The following BMPR1A variants were observed in gnomAD, a reference collection of about 807,000 sequenced individuals.
BMPR1A encodes the protein bone morphogenetic protein receptor type 1A, also known as bone morphogenetic protein receptor type-1A.
BMPR1A carries 7 observed loss-of-function variants against 66.0 expected under a neutral mutation model. That is an observed-to-expected ratio of 0.11 (90% CI 0.06 to 0.20). The LOEUF (loss-of-function observed/expected upper bound fraction) is 0.20, where lower values mean the gene tolerates loss of function less well. BMPR1A is among the 10% of genes least tolerant of loss of function. BMPR1A has a pLI of 1.00. For missense variants in BMPR1A, 408 were observed against 669.1 expected (o/e 0.61, Z 4.31); for synonymous variants, 200 against 229.7 (o/e 0.87, Z 1.17).
intron 7 of BMPR1A, among the ~76,000 whole-genome samples, chr10:86,909,454 T>C (rs545703050): frequency 1.2e-3 from 185 of 152,090 alleles, no homozygotes; most frequent in African/African-American, 4.1e-3. Flanking sequence ...TAGCCTGGTA[T>C]GGTGGTGTGT....
chr10:86,778,220 A>AT (rs35923518), intron 1 of BMPR1A, among the ~76,000 whole-genome samples: 12,329 of 150,466 alleles, frequency 0.082, 968 homozygotes, highest in African/African-American at 0.2. Flanking sequence ...AAAACATGAG[A>AT]TTTTTTTTGC....
chr10:86,770,361 A>G (rs1018343124), intron 1 of BMPR1A, among the ~76,000 whole-genome samples: 1 of 151,658 alleles, frequency 6.6e-6, no homozygotes, highest in African/African-American at 2.4e-5. Context: ...GCAGTGAGCT[A>G]TGATCTTATC....
chr10:86,912,124 A>C lies in BMPR1A; in HGVS notation c.531-116A>C. 2.7e-6 allele frequency: 3 copies of C among 1,115,500 alleles called. No individual in the cohort carries two copies. The South Asian group carries it at 4.2e-5, about 16-fold the overall frequency. The allele number at this position is 1,115,500 out of a possible 1,614,324, so 69.1% of individuals were successfully genotyped here. ...GGATATATTATCCAATGATAAGACT[A>C]ATTTGGATAGGATTCTTTCTGAGGG... is the stretch of plus-strand genomic sequence containing the variant. On this transcript the variant is annotated intron_variant, in intron 7 of 12. Transcript: ENST00000372037.
At chr10:86,808,905 C>T (rs1040770410) in intron 1 of BMPR1A, among the ~76,000 whole-genome samples, 1 of 152,168 alleles carries the variant, frequency 6.6e-6, no homozygotes, top group African/African-American at 2.4e-5. Flanking sequence ...TTCTCTGATT[C>T]ATCACAGGTT....
At chr10:86,892,070 G>C (rs115583244) in intron 4 of BMPR1A, 57 bp from the exon 5 acceptor site, 4 of 1,415,464 alleles carry the variant, frequency 2.8e-6, no homozygotes, top group Non-Finnish European at 3.0e-6. Flanking sequence ...CTCAAATTTC[G>C]TTAGTACTTT....
intron 1 of BMPR1A, among the ~76,000 whole-genome samples, chr10:86,812,722 A>T (rs1477769632): frequency 1.3e-5 from 2 of 152,084 alleles, no homozygotes; most frequent in Admixed American, 1.3e-4. Context: ...CCCCCAATCC[A>T]CATGTACATA....
Position 86,850,079 on chromosome 10 carries a change from G to T in BMPR1A, c.-153+11100G>T, listed in dbSNP as rs1178884096. 1.6e-4 allele frequency among the ~76,000 whole-genome samples: 24 copies of T among 152,122 alleles called. 1 individual carries two copies. ...CTCATGCCTGTAATCCCAGCACTTTGGAAGGCCGAGGTGGGTGGATCACTT... is the reference window on the plus strand; with the variant it reads ...CTCATGCCTGTAATCCCAGCACTTTTGAAGGCCGAGGTGGGTGGATCACTT... On this transcript the variant is annotated intron_variant, in intron 2 of 12. Coordinates refer to ENST00000372037, the MANE Select transcript of BMPR1A (RefSeq NM_004329.3).
chr10:86,903,737 G>A (rs766084592), intron 7 of BMPR1A, among the ~76,000 whole-genome samples: 5 of 150,510 alleles, frequency 3.3e-5, no homozygotes, highest in Non-Finnish European at 7.4e-5. Flanking sequence ...TCAGCCTTCC[G>A]AGTAGCTGGG....
At chr10:86,789,728 A>C (rs1015941759) in intron 1 of BMPR1A, among the ~76,000 whole-genome samples, 1 of 150,902 alleles carries the variant, frequency 6.6e-6, no homozygotes, top group East Asian at 2.0e-4. Context: ...AAAAAAAACA[A>C]ACAAACACGT....
intron 1 of BMPR1A, among the ~76,000 whole-genome samples, chr10:86,776,607 C>T (rs1383897552): frequency 6.6e-6 from 1 of 152,100 alleles, no homozygotes; most frequent in South Asian, 2.1e-4. Context: ...GAGGGGTTAT[C>T]CTTTACCCCC....
intron 11 of BMPR1A, 125 bp from the exon 12 acceptor site, chr10:86,923,244 AATCATAG>A: frequency 8.1e-6 from 9 of 1,105,508 alleles, no homozygotes; most frequent in Admixed American, 2.2e-5. Flanking sequence ...ATTAAGAGTG[AATCATAG>A]TGTCTATATT....
intron 2 of BMPR1A, among the ~76,000 whole-genome samples, chr10:86,871,985 G>A (rs1842860420): frequency 1.3e-5 from 2 of 152,246 alleles, no homozygotes; most frequent in African/African-American, 4.8e-5. Flanking sequence ...TCTCTCAAGT[G>A]CTTAGGAGGC....
chr10:86,878,305 G>A (rs1332747928), intron 3 of BMPR1A, among the ~76,000 whole-genome samples: 2 of 152,104 alleles, frequency 1.3e-5, no homozygotes, highest in African/African-American at 4.8e-5. Context: ...ATAGATTTAA[G>A]TGCTTTACAT....
chr10:86,775,231 A>G (rs1367088349), intron 1 of BMPR1A, among the ~76,000 whole-genome samples: 1 of 152,242 alleles, frequency 6.6e-6, no homozygotes, highest in Non-Finnish European at 1.5e-5. Flanking sequence ...TAAACGAGGA[A>G]ATCCATACAT....
downstream of BMPR1A, chr10:86,931,837 TTTTC>T (rs1290743265): frequency 1.3e-5 from 2 of 152,178 alleles, no homozygotes; most frequent in African/African-American, 2.4e-5. Flanking sequence ...TTCTTCCCTT[TTTTC>T]TTTCTTTTCC....
chr10:86,912,713 G>A (rs1467721475), intron 8 of BMPR1A, among the ~76,000 whole-genome samples: 2 of 152,106 alleles, frequency 1.3e-5, no homozygotes, highest in East Asian at 3.8e-4. Context: ...CATTTTACCA[G>A]CCAACTTAAA....
chr10:86,786,930 A>G (rs1841526393), intron 1 of BMPR1A, among the ~76,000 whole-genome samples: 1 of 152,248 alleles, frequency 6.6e-6, no homozygotes, highest in Non-Finnish European at 1.5e-5. Context: ...TTTGGTCTAA[A>G]GCATGAGATA....
At chr10:86,847,347 A>G (rs1842501720) in intron 2 of BMPR1A, among the ~76,000 whole-genome samples, 1 of 150,352 alleles carries the variant, frequency 6.7e-6, no homozygotes, top group South Asian at 2.1e-4. Context: ...TATGGTTTCA[A>G]CTGTGAAAGG....
intron 7 of BMPR1A, among the ~76,000 whole-genome samples, chr10:86,903,312 CA>C (rs1843337562): frequency 6.6e-6 from 1 of 151,864 alleles, no homozygotes; most frequent in Non-Finnish European, 1.5e-5. Context: ...TTTTTATGTA[CA>C]AAAGTTAAAT....
Sources: gnomAD v4.1 joint callset for allele counts (sites outside exome capture counted in the v4.1 genomes callset) on GRCh38, gnomAD v4.1.1 for gene constraint, MANE v1.5 for transcripts, NCBI Gene and HGNC (gene_info 2026-07-23, HGNC 2026-07-21) for gene names.